Variants in CDH18 observed in about 807,000 individuals in gnomAD.
CDH18 encodes the protein cadherin-18.
A neutral mutation model predicts 67.9 loss-of-function variants in CDH18; 31 were observed. The observed-to-expected ratio is 0.46, with a 90% confidence interval of 0.34 to 0.62. The LOEUF (loss-of-function observed/expected upper bound fraction) is 0.62. Among genes scored for constraint, CDH18 ranks in the 20% least tolerant of loss-of-function variants. The pLI, the probability that CDH18 is intolerant of heterozygous loss-of-function variation, is 0.01. For missense variants in CDH18, 890 were observed against 975.5 expected (o/e 0.91, Z 1.17); for synonymous variants, 362 against 347.2 (o/e 1.04, Z -0.48).
At chr5:19,705,442 A>C (rs1763831220) in intron 5 of CDH18, among the ~76,000 whole-genome samples, 1 of 152,176 alleles carries the variant, frequency 6.6e-6, no homozygotes, top group African/African-American at 2.4e-5. Flanking sequence ...TGAGTAATCC[A>C]TTTGCTATCC....
chr5:19,937,625 A>G (rs7713248), intron 2 of CDH18, among the ~76,000 whole-genome samples: 150,715 of 151,462 alleles, frequency 1, 74,994 homozygotes, highest in Middle Eastern at 1. Context: ...GTACAATTTC[A>G]AAGAAAGTAT....
intron 5 of CDH18, among the ~76,000 whole-genome samples, chr5:19,675,060 T>A (rs1759277449): frequency 6.6e-6 from 1 of 152,040 alleles, no homozygotes; most frequent in Admixed American, 6.6e-5. Flanking sequence ...AGACATCACA[T>A]GTCGGCAGGT....
chr5:20,390,531 C>T (rs1315310483), intron 1 of CDH18, among the ~76,000 whole-genome samples: 1 of 152,188 alleles, frequency 6.6e-6, no homozygotes, highest in African/African-American at 2.4e-5. Flanking sequence ...CACTTTTACA[C>T]TGTTGGTGGG....
At chr5:20,487,364 A>ATC (rs1753264843) in intron 1 of CDH18, among the ~76,000 whole-genome samples, 1 of 149,924 alleles carries the variant, frequency 6.7e-6, no homozygotes, top group Non-Finnish European at 1.5e-5. Flanking sequence ...CTATATATAT[A>ATC]TATAAACCTA....
intron 1 of CDH18, among the ~76,000 whole-genome samples, chr5:20,439,695 C>G (rs1424436686): frequency 6.6e-6 from 1 of 151,612 alleles, no homozygotes; most frequent in African/African-American, 2.4e-5. Context: ...GATGGTATTG[C>G]TAAAATATTG....
At chr5:20,356,831 C>T (rs187974351) in intron 1 of CDH18, among the ~76,000 whole-genome samples, 104 of 138,638 alleles carry the variant, frequency 7.5e-4, no homozygotes, top group Non-Finnish European at 1.1e-3. Flanking sequence ...ACATATATAC[C>T]TATATACACA....
chr5:20,255,434 T>C (rs1744159426), intron 2 of CDH18: 1 of 152,136 alleles, frequency 6.6e-6, no homozygotes, highest in South Asian at 2.1e-4. Flanking sequence ...AGAGAAAGTA[T>C]AAGTTTTACC....
chr5:19,629,377 A>G (rs1043376006), intron 5 of CDH18, among the ~76,000 whole-genome samples: 14 of 152,186 alleles, frequency 9.2e-5, no homozygotes, highest in African/African-American at 3.4e-4. Flanking sequence ...GACACTCTAC[A>G]GAAAGGTCTG....
intron 2 of CDH18, among the ~76,000 whole-genome samples, chr5:19,914,067 G>A (rs1435591360): frequency 6.6e-6 from 1 of 152,018 alleles, no homozygotes; most frequent in African/African-American, 2.4e-5. Flanking sequence ...TCACAAAAAG[G>A]AAACTAAAAT....
chr5:19,702,952 G>T (rs1763461895), intron 5 of CDH18, among the ~76,000 whole-genome samples: 1 of 152,198 alleles, frequency 6.6e-6, no homozygotes, highest in African/African-American at 2.4e-5. Context: ...TCCTGCTGCA[G>T]ATAACTAGCC....
At chr5:19,855,334 G>T (rs1784154423) in intron 2 of CDH18, among the ~76,000 whole-genome samples, 1 of 152,052 alleles carries the variant, frequency 6.6e-6, no homozygotes, top group Non-Finnish European at 1.5e-5. Flanking sequence ...ATTTTTAAAT[G>T]AGATAAAATA....
chr5:19,793,074 T>G (rs530408239), intron 3 of CDH18, among the ~76,000 whole-genome samples: 1 of 152,240 alleles, frequency 6.6e-6, no homozygotes, highest in African/African-American at 2.4e-5. Context: ...CTTCTAGAGC[T>G]AATACTCCTC....
At chr5:20,083,743 C>T (rs1744693546) in intron 2 of CDH18, among the ~76,000 whole-genome samples, 1 of 152,184 alleles carries the variant, frequency 6.6e-6, no homozygotes. Context: ...CAAGGAAGAG[C>T]AAGTCACGTC....
intron 1 of CDH18, among the ~76,000 whole-genome samples, chr5:20,419,360 T>A (rs12514159): frequency 6.6e-6 from 1 of 151,276 alleles, no homozygotes; most frequent in Non-Finnish European, 1.5e-5. Context: ...AACCCAACCA[T>A]GCTGGCTCCA....
At chr5:20,089,658 A>C in intron 2 of CDH18, among the ~76,000 whole-genome samples, 1 of 152,194 alleles carries the variant, frequency 6.6e-6, no homozygotes, top group South Asian at 2.1e-4. Context: ...ATTTTGGCAA[A>C]AGCTGTGTAA....
intron 2 of CDH18, among the ~76,000 whole-genome samples, chr5:19,925,545 G>T (rs1792988170): frequency 6.6e-6 from 1 of 152,042 alleles, no homozygotes; most frequent in Non-Finnish European, 1.5e-5. Flanking sequence ...CTGGAGTGCA[G>T]TGGCATGATC....
At chr5:19,681,168 A>C (rs2150383868) in intron 5 of CDH18, among the ~76,000 whole-genome samples, 1 of 152,130 alleles carries the variant, frequency 6.6e-6, no homozygotes, top group Admixed American at 6.6e-5. Context: ...TGAACAGAAA[A>C]CCAAATACTG....
chr5:19,843,628 C>T (rs1258732742), intron 2 of CDH18, among the ~76,000 whole-genome samples: 1 of 152,242 alleles, frequency 6.6e-6, no homozygotes, highest in Non-Finnish European at 1.5e-5. Context: ...ATGACAGCCA[C>T]CGTCTTCCAG....
At chr5:19,543,409 CT>C (rs749698819) in intron 9 of CDH18, among the ~76,000 whole-genome samples, 1 of 152,160 alleles carries the variant, frequency 6.6e-6, no homozygotes, top group Non-Finnish European at 1.5e-5. Context: ...AAGAATTATT[CT>C]TTTACTGTAA....
Sources: allele counts gnomAD v4.1 joint callset (sites outside exome capture counted in the v4.1 genomes callset), GRCh38; gene constraint gnomAD v4.1.1; transcripts MANE v1.5; gene names NCBI Gene and HGNC (gene_info 2026-07-23, HGNC 2026-07-21).